The following ASPSCR1 variants were observed in gnomAD, a reference collection of about 807,000 sequenced individuals.
ASPSCR1 encodes the protein tether containing UBX domain for GLUT4.
Under a neutral mutation model 68.9 loss-of-function variants are expected in ASPSCR1, and 55 were observed. That is an observed-to-expected ratio of 0.80 (90% confidence interval 0.64 to 1.00). The LOEUF (loss-of-function observed/expected upper bound fraction) is 1.00, where lower values mean the gene tolerates loss of function less well. ASPSCR1 is among the 50% of genes least tolerant of loss of function. The pLI is 0.00. For synonymous variants in ASPSCR1, 352 were observed against 332.6 expected (o/e 1.06, Z -0.63); for missense variants, 765 against 762.2 (o/e 1.00, Z -0.04).
intron 7 of ASPSCR1, among the ~76,000 whole-genome samples, chr17:82,001,310 A>G (rs1462739573): frequency 2.0e-5 from 3 of 152,110 alleles, no homozygotes; most frequent in African/African-American, 7.2e-5. Flanking sequence ...CGGGCTAGAC[A>G]GGAGCCCCCA....
chr17:81,979,204 G>C lies in ASPSCR1; in HGVS notation c.123G>C (p.Arg41=). ...CCCAGGTTCTGGAGGACACGTGCCG[G>C]CGGCAGGACTTCAACCCCTGTGAAT... ...VLLQVLEDTC[R]RQDFNPCEYD... Residue 41 remains arginine (R), a synonymous_variant, in exon 2 of 16, where the codon CGG becomes CGC. Coordinates refer to ENST00000306739, the MANE Select transcript of ASPSCR1 (RefSeq NM_024083.4). 8 of 1,614,088 alleles carry C rather than the reference G, an allele frequency of 5.0e-6. No homozygotes were observed. Among genetic ancestry groups the C allele is most frequent in the Non-Finnish European group, 6.8e-6 (8 of 1,180,004 alleles).
rs1702512119 is a variant in ASPSCR1 at position 81,983,526 on chromosome 17, A to G, written c.159-28A>G. ...CAGGGCGTGTCAGGCTCTGCAGGGC[A>G]GCAAGTGTGCTCTGGTCTGTCTTGC... On this transcript the variant is annotated intron_variant, in intron 2 of 15. Transcript: ENST00000306739. This position sits in a 1 kb window ranked among gnomAD's most constrained non-coding sequence, Gnocchi z 4.4. 1 of 1,568,260 alleles carries G rather than the reference A, an allele frequency of 6.4e-7. No individual in the cohort carries two copies. The highest frequency in any genetic ancestry group is 1.3e-5 in the African/African-American group (1 of 74,140).
rs763529502 is a variant in ASPSCR1, at chr17:82,016,827, A to T, written c.1433A>T (p.Glu478Val). 3.9e-5 allele frequency: 63 copies of T among 1,611,190 alleles called. No homozygotes were observed. The highest frequency in any genetic ancestry group is 5.2e-5 in the Non-Finnish European group (61 of 1,179,950). The change falls in exon 14 of 16, where the codon GAG becomes GTG. Residue 478 changes from glutamate to valine, a missense_variant. Glu to Val is a moderately radical substitution (Grantham distance 121, BLOSUM62 -2). Coordinates refer to ENST00000306739, the MANE Select transcript of ASPSCR1 (RefSeq NM_024083.4). ...GTCTACCTGGAGCCTGGCCTGCTGG[A>T]GCATGCCATCTCCCCATCTGCGGCC... Reference protein sequence around the residue: ...AGVYLEPGLLEHAISPSAADV... With the variant: ...AGVYLEPGLLVHAISPSAADV...
intron 7 of ASPSCR1, among the ~76,000 whole-genome samples, chr17:82,002,918 A>C (rs2042583449): frequency 6.6e-6 from 1 of 150,540 alleles, no homozygotes; most frequent in South Asian, 2.1e-4. Flanking sequence ...TATGTTGCCT[A>C]GCCTGGAGTG....
rs1438465957 is a variant in ASPSCR1 at position 82,003,459 on chromosome 17, A to G, written c.934-5578A>G. On this transcript the variant is annotated intron_variant, in intron 7 of 15. Coordinates refer to ENST00000306739, the MANE Select transcript of ASPSCR1 (RefSeq NM_024083.4). ...CGAGACGCTGTCTCAAAACAGAAAC[A>G]TCTCTGCTTTGGGCCTTCCTTGTTG... Among the ~76,000 whole-genome samples, 4 of 152,146 alleles carry G rather than the reference A, an allele frequency of 2.6e-5. No individual in the cohort carries two copies. In the East Asian group the frequency reaches 5.8e-4, roughly 22 times the overall value.
In ASPSCR1 at chr17:82,009,557, GCT is replaced by G. The variant is rs1216725717; in HGVS notation, c.1161_1162del (p.Tyr388ProfsTer120). On this transcript the variant is annotated frameshift_variant, in exon 9 of 16. Transcript: ENST00000306739. LOFTEE classifies it high-confidence loss of function. Reference sequence around the variant, plus strand: ...GCGCAGATAAAGGAGAAGCTGGAGCGCTACCCAAAGGTCTGCAGACAGGATGT... The same window carrying G: ...GCGCAGATAAAGGAGAAGCTGGAGCGACCCAAAGGTCTGCAGACAGGATGT... 9.5e-6 allele frequency: 15 copies of G among 1,580,818 alleles called. No homozygotes were observed. The highest frequency in any genetic ancestry group is 1.2e-5 in the Non-Finnish European group (14 of 1,163,994).
chr17:82,015,477 C>T (rs541384405), intron 12 of ASPSCR1: 59 of 1,293,408 alleles, frequency 4.6e-5, no homozygotes, highest in Non-Finnish European at 6.0e-5. Context: ...CCGCCCCTTT[C>T]TGTGCGTCCC....
At position 82,017,062 on chromosome 17, in the gene ASPSCR1, C is replaced by T. The variant is rs2043159574; in HGVS notation, c.1597C>T (p.Gln533Ter). The change falls in exon 15 of 16, where the codon CAG (glutamine) becomes TAG (stop). Residue 533 changes from glutamine to a stop codon, truncating the protein, a stop_gained. Transcript: ENST00000306739. LOFTEE classifies it high-confidence loss of function. ...VPPEPIPGTA[Q>*]PVKRSLGKVP... ...CCCTGAGCCCATCCCAGGGACGGCCCAGCCCGTGAAGAGGAGCCTGGGCAA... is the reference window on the plus strand; with the variant it reads ...CCCTGAGCCCATCCCAGGGACGGCCTAGCCCGTGAAGAGGAGCCTGGGCAA... The T allele has an allele frequency of 1.2e-6, 2 of 1,610,074 alleles. No individual in the cohort carries two copies. Among genetic ancestry groups the T allele is most frequent in the Non-Finnish European group, 8.5e-7 (1 of 1,179,206 alleles).
At chr17:82,010,084 G>A (rs1479051893) in intron 9 of ASPSCR1, 10 of 251,498 alleles carry the variant, frequency 4.0e-5, no homozygotes, top group South Asian at 2.0e-4. Context: ...GCTAATTTTT[G>A]TTGTTTTTTT....
At position 81,994,861 on chromosome 17, in the gene ASPSCR1, G is replaced by T. The variant is rs749746317; in HGVS notation, c.415G>T (p.Val139Leu). The T allele has an allele frequency of 8.7e-6, 14 of 1,612,824 alleles. No individual in the cohort carries two copies. The highest frequency in any genetic ancestry group is 1.3e-5 in the African/African-American group (1 of 74,936). Reference sequence around the variant, plus strand: ...CCCCGGCGGGGCCACCCCAGTCTGCGTGTACACGAGGGATGAGGTAGGCGG... The same window carrying T: ...CCCCGGCGGGGCCACCCCAGTCTGCTTGTACACGAGGGATGAGGTAGGCGG... ...QHPGGATPVCVYTRDEVTGEA... is the reference protein window; with the variant it reads ...QHPGGATPVCLYTRDEVTGEA... Residue 139 changes from valine (V) to leucine (L), a missense_variant, in exon 5 of 16, where the codon GTG (valine) becomes TTG (leucine). Physicochemically the swap from Val to Leu is conservative, Grantham distance 32. Coordinates refer to ENST00000306739, the MANE Select transcript of ASPSCR1 (RefSeq NM_024083.4).
rs771369911 is a variant in ASPSCR1 at position 82,010,785 on chromosome 17, C to T, written c.1171-17C>T. ...AGCTCCGGCCGTCCCTCCAACCCTT[C>T]CACTTGTCTGGCCTAGGTGGCTCTG... On this transcript the variant is annotated splice_polypyrimidine_tract_variant and intron_variant, in intron 9 of 15. Transcript: ENST00000306739. 1 of 1,612,438 alleles carries T rather than the reference C, an allele frequency of 6.2e-7. No homozygotes were observed. The highest frequency in any genetic ancestry group is 8.5e-7 in the Non-Finnish European group (1 of 1,179,254).
intron 7 of ASPSCR1, among the ~76,000 whole-genome samples, chr17:81,998,154 A>G (rs1477319003): frequency 6.6e-6 from 1 of 152,036 alleles, no homozygotes; most frequent in Non-Finnish European, 1.5e-5. Flanking sequence ...TATTTTTCAT[A>G]AAGACGAGGT....
At chr17:81,996,092 G>T in intron 6 of ASPSCR1, 27 bp downstream of exon 6, 4 of 1,571,674 alleles carry the variant, frequency 2.5e-6, no homozygotes, top group Non-Finnish European at 1.7e-6. Context: ...TGGGGCCGAG[G>T]AGTCTATTTA....
intron 8 of ASPSCR1, 27 bp from the exon 9 acceptor site, chr17:82,009,459 C>T (rs370225186): frequency 9.3e-5 from 145 of 1,554,746 alleles, no homozygotes; most frequent in Non-Finnish European, 1.2e-4. Context: ...TGACCAGAAG[C>T]CCTGTTCCTT....
At chr17:81,979,049 TG>T in intron 1 of ASPSCR1, 134 bp from the exon 2 acceptor site, 2 of 824,456 alleles carry the variant, frequency 2.4e-6, no homozygotes, top group Non-Finnish European at 4.1e-6. Flanking sequence ...GTCCATAGTG[TG>T]GTCTTGTGCT....
intron 8 of ASPSCR1, 26 bp from the exon 9 acceptor site, chr17:82,009,460 C>A (rs2042837053): frequency 5.1e-6 from 8 of 1,556,290 alleles, no homozygotes; most frequent in Non-Finnish European, 6.1e-6. Context: ...GACCAGAAGC[C>A]CTGTTCCTTC....
chr17:81,996,185 G>A, intron 6 of ASPSCR1, 120 bp downstream of exon 6: 2 of 1,337,922 alleles, frequency 1.5e-6, no homozygotes, highest in Non-Finnish European at 2.0e-6. Context: ...CCTCATCATG[G>A]AGAGCGCCTG....
chr17:81,985,137 CGCACATCTGCACGCACAT>C (rs1456932145), intron 3 of ASPSCR1, among the ~76,000 whole-genome samples: 9 of 150,158 alleles, frequency 6.0e-5, no homozygotes, highest in Non-Finnish European at 1.0e-4. Flanking sequence ...TGCACACACA[CGCACATCTGCACGCACAT>C]GCGCACACCT....
chr17:82,001,362 G>A (rs1449561992), intron 7 of ASPSCR1, among the ~76,000 whole-genome samples: 1 of 152,198 alleles, frequency 6.6e-6, no homozygotes, highest in Non-Finnish European at 1.5e-5. Context: ...GGCCAGCACA[G>A]TCAGTGGCCA....
Sources: gnomAD v4.1 joint callset for allele counts (sites outside exome capture counted in the v4.1 genomes callset) on GRCh38, gnomAD v4.1.1 for gene constraint, Gnocchi (gnomAD v3.1) non-coding constraint, MANE v1.5 for transcripts, NCBI Gene and HGNC (gene_info 2026-07-23, HGNC 2026-07-21) for gene names.